Variants in KIF13A observed in about 807,000 individuals in gnomAD.
KIF13A encodes kinesin-like protein KIF13A.
In KIF13A, 79 loss-of-function variants were observed where a neutral mutation model predicts 212.2. The observed-to-expected ratio is 0.37, with a 90% confidence interval of 0.31 to 0.45. The LOEUF (loss-of-function observed/expected upper bound fraction) is 0.45, where lower values mean the gene tolerates loss of function less well. Ranked by LOEUF, KIF13A falls within the 20% of genes least tolerant of loss-of-function variation. The pLI, the probability that KIF13A is intolerant of heterozygous loss-of-function variation, is 1.00. For synonymous variants in KIF13A, 789 were observed against 808.6 expected (o/e 0.98, Z 0.41); for missense variants, 1,901 against 2,209.0 (o/e 0.86, Z 2.79).
chr6:17,904,948 T>C (rs1203427267), intron 2 of KIF13A, among the ~76,000 whole-genome samples: 1 of 152,232 alleles, frequency 6.6e-6, no homozygotes, highest in Non-Finnish European at 1.5e-5. Flanking sequence ...ACATATTCCT[T>C]ATTATGAAGC....
Position 17,987,267 on chromosome 6 carries a change from G to C in KIF13A, c.56-123C>G. On this transcript the variant is annotated intron_variant, in intron 1 of 38. Transcript: ENST00000259711. This position sits in a 1 kb window ranked among gnomAD's most constrained non-coding sequence, Gnocchi z 7.7. ...CGGCCGAGCCTGGAGACGGCGCCCC[G>C]GGCACCACGGCCAGCGCGGACGCCG... The C allele has an allele frequency of 1.2e-6, 1 of 855,370 alleles. No homozygotes were observed. The highest frequency in any genetic ancestry group is 1.5e-6 in the Non-Finnish European group (1 of 651,416). 53.0% of individuals were successfully genotyped at this position (855,370 alleles called of 1,614,324 possible). A position where few individuals can be genotyped will look rare whatever the true frequency, so the allele number is the denominator to read the frequency against.
chr6:17,977,809 C>G (rs900941490), intron 2 of KIF13A, among the ~76,000 whole-genome samples: 3 of 152,142 alleles, frequency 2.0e-5, no homozygotes, highest in Non-Finnish European at 4.4e-5. Context: ...CCCATTAACT[C>G]GTCATTTACA....
rs184033561 is a variant in KIF13A at position 17,918,915 on chromosome 6, C to A, written c.147-20735G>T. ...TTATTTGCTTATTATCCACAGGTCTCCCCTGGATCTGACAGTTATAAGATC... is the reference window on the plus strand; with the variant it reads ...TTATTTGCTTATTATCCACAGGTCTACCCTGGATCTGACAGTTATAAGATC... On this transcript the variant is annotated intron_variant, in intron 2 of 38. Coordinates refer to ENST00000259711, the MANE Select transcript of KIF13A (RefSeq NM_022113.6). This position sits in a 1 kb window ranked among gnomAD's most constrained non-coding sequence, Gnocchi z 4.8. Among the ~76,000 whole-genome samples, 7 of 152,270 alleles carry A rather than the reference C, an allele frequency of 4.6e-5. No individual in the cohort carries two copies. The highest frequency in any genetic ancestry group is 8.8e-5 in the Non-Finnish European group (6 of 68,030).
intron 4 of KIF13A, among the ~76,000 whole-genome samples, chr6:17,867,281 T>C (rs1307436518): frequency 6.6e-6 from 1 of 152,144 alleles, no homozygotes; most frequent in Non-Finnish European, 1.5e-5. Context: ...AAATTGAGTA[T>C]GAGTGAGATA....
At chr6:17,952,804 CCTGTAGCCCCAGCTA>C (rs1011636054) in intron 2 of KIF13A, among the ~76,000 whole-genome samples, 1 of 151,270 alleles carries the variant, frequency 6.6e-6, no homozygotes, top group African/African-American at 2.4e-5. Flanking sequence ...GTGGTGGGCG[CCTGTAGCCCCAGCTA>C]CTCAGGAGGC....
Position 17,855,895 on chromosome 6 carries a change from A to G in KIF13A, c.313+135T>C, listed in dbSNP as rs1562061000. The G allele has an allele frequency of 3.0e-6, 2 of 665,208 alleles. No homozygotes were observed. The highest frequency in any genetic ancestry group is 4.0e-5 in the South Asian group (2 of 50,506). The allele number at this position is 665,208 out of a possible 1,614,324, so 41.2% of individuals were successfully genotyped here. A position where few individuals can be genotyped will look rare whatever the true frequency, so the allele number is the denominator to read the frequency against. On this transcript the variant is annotated intron_variant, in intron 5 of 38. Transcript: ENST00000259711. The surrounding 1 kb of genome is among the most constrained non-coding windows in gnomAD (Gnocchi z 4.1). Reference sequence around the variant, plus strand: ...CTGGGCTAATGTTTTTAGTTTTTATAAAGACGGGTCTTACTATGTTGCCCA... The same window carrying G: ...CTGGGCTAATGTTTTTAGTTTTTATGAAGACGGGTCTTACTATGTTGCCCA...
chr6:17,837,335 C>T lies in KIF13A; in HGVS notation c.942+137G>A, dbSNP rs557859757. On this transcript the variant is annotated intron_variant, in intron 10 of 38. Transcript: ENST00000259711. The surrounding 1 kb of genome is among the most constrained non-coding windows in gnomAD (Gnocchi z 5.4). ...AAAGGAGTAGAAAATAGTTTTCATT[C>T]TGTGTTCCTAGGAATTAGAATAACT... 7.2e-6 allele frequency: 5 copies of T among 697,434 alleles called. No individual in the cohort carries two copies. The highest frequency in any genetic ancestry group is 2.9e-5 in the Admixed American group (1 of 34,560). The allele number at this position is 697,434 out of a possible 1,614,324, so 43.2% of individuals were successfully genotyped here.
intron 2 of KIF13A, among the ~76,000 whole-genome samples, chr6:17,922,009 C>A (rs575915886): frequency 2.6e-5 from 4 of 152,268 alleles, no homozygotes; most frequent in Admixed American, 2.6e-4. Flanking sequence ...ATACATTGAA[C>A]TTTTAATTAA....
chr6:17,780,987 A>C lies in KIF13A; in HGVS notation c.3670-81T>G, dbSNP rs1353677299. 5 of 1,415,844 alleles carry C rather than the reference A, an allele frequency of 3.5e-6. No individual in the cohort carries two copies. In the African/African-American group the frequency reaches 4.3e-5, roughly 12 times the overall value. 87.7% of individuals were successfully genotyped at this position (1,415,844 alleles called of 1,614,324 possible). ...GTTTTACAGGACATACAAGAGAAAG[A>C]AAATAAATTCAACTCACTGTAATCA... On this transcript the variant is annotated intron_variant, in intron 30 of 38. Transcript: ENST00000259711.
chr6:17,904,187 G>C (rs115273046), intron 2 of KIF13A, among the ~76,000 whole-genome samples: 104 of 152,024 alleles, frequency 6.8e-4, no homozygotes, highest in Admixed American at 1.4e-3. Flanking sequence ...AGAAAAAGAG[G>C]CCAGGTGAGG....
At position 17,887,847 on chromosome 6, in the gene KIF13A, C is replaced by G. The variant is rs534012730; in HGVS notation, c.159+10321G>C. Among the ~76,000 whole-genome samples the G allele has an allele frequency of 7.9e-5, 12 of 151,232 alleles. No homozygotes were observed. The East Asian group carries it at 2.3e-3, about 29-fold the overall frequency. ...TAGCTGGGATTACAGGCACCCACCA[C>G]CATGTCCAGCTAATTTTTTTTTTTT... On this transcript the variant is annotated intron_variant, in intron 3 of 38. Coordinates refer to ENST00000259711, the MANE Select transcript of KIF13A (RefSeq NM_022113.6).
intron 20 of KIF13A, among the ~76,000 whole-genome samples, chr6:17,802,906 C>T (rs868173683): frequency 1.4e-5 from 2 of 144,464 alleles, no homozygotes; most frequent in Admixed American, 1.5e-4. Context: ...ATCACCATGC[C>T]TGGTTAATTT....
intron 2 of KIF13A, among the ~76,000 whole-genome samples, chr6:17,953,081 T>C (rs149499923): frequency 5.3e-4 from 80 of 152,270 alleles, no homozygotes; most frequent in African/African-American, 1.8e-3. Context: ...TTGGAAACAC[T>C]CTAAATGTCC....
chr6:17,791,173 T>G (rs970353854), intron 25 of KIF13A, among the ~76,000 whole-genome samples: 1 of 151,876 alleles, frequency 6.6e-6, no homozygotes, highest in Non-Finnish European at 1.5e-5. Context: ...TTAAATGTAA[T>G]CCTAATCCTG....
Position 17,856,189 on chromosome 6 carries a change from T to TA in KIF13A, c.221-68dup. The TA allele has an allele frequency of 9.1e-7, 1 of 1,097,214 alleles. No homozygotes were observed. The allele number at this position is 1,097,214 out of a possible 1,614,324, so 68.0% of individuals were successfully genotyped here. On this transcript the variant is annotated intron_variant, in intron 4 of 38. Coordinates refer to ENST00000259711, the MANE Select transcript of KIF13A (RefSeq NM_022113.6). The surrounding 1 kb of genome is among the most constrained non-coding windows in gnomAD (Gnocchi z 4.5). ...ATTTTTCTTGACATATTTGTGTTAG[T>TA]AACAATATTATGTCAATTCAAAAAA...
At chr6:17,948,321 G>GGCAC (rs1777578276) in intron 2 of KIF13A, among the ~76,000 whole-genome samples, 1 of 152,084 alleles carries the variant, frequency 6.6e-6, no homozygotes, top group Non-Finnish European at 1.5e-5. Flanking sequence ...CAAAAGTGGT[G>GGCAC]GCACTTTGGG....
intron 2 of KIF13A, among the ~76,000 whole-genome samples, chr6:17,952,985 A>G (rs1778011524): frequency 6.6e-6 from 1 of 151,812 alleles, no homozygotes; most frequent in Admixed American, 6.6e-5. Flanking sequence ...GGAGAAGAAG[A>G]GAGGACCGGA....
intron 2 of KIF13A, among the ~76,000 whole-genome samples, chr6:17,964,854 C>T (rs375252589): frequency 3.3e-5 from 5 of 152,026 alleles, no homozygotes; most frequent in East Asian, 3.9e-4. Context: ...GACTGAGTCT[C>T]GCTCTGTCGC....
At chr6:17,921,380 A>G (rs984510257) in intron 2 of KIF13A, among the ~76,000 whole-genome samples, 2 of 152,238 alleles carry the variant, frequency 1.3e-5, no homozygotes, top group Non-Finnish European at 2.9e-5. Context: ...ACCAGCTAAT[A>G]CAGAAAAATA....
Sources: gnomAD v4.1 joint callset for allele counts (sites outside exome capture counted in the v4.1 genomes callset) on GRCh38, gnomAD v4.1.1 for gene constraint, Gnocchi (gnomAD v3.1) non-coding constraint, MANE v1.5 for transcripts, NCBI Gene and HGNC (gene_info 2026-07-23, HGNC 2026-07-21) for gene names.